NDRG3: variants seen among roughly 807,000 people sequenced by gnomAD.
The protein encoded by NDRG3 is NDRG family member 3, also known as protein NDRG3.
In NDRG3, 23 loss-of-function variants were observed where a neutral mutation model predicts 57.2. The ratio of observed to expected loss-of-function variants is 0.40; its 90% confidence interval spans 0.29 to 0.57. The LOEUF (loss-of-function observed/expected upper bound fraction) is 0.57, where lower values mean the gene tolerates loss of function less well. NDRG3 is among the 20% of genes least tolerant of loss of function. The probability of loss-of-function intolerance (pLI) is 0.42; values close to 1 mark genes in which losing one functional copy is unlikely to be tolerated. For missense variants in NDRG3, 384 were observed against 457.3 expected, an observed-to-expected ratio of 0.84 and a Z score of 1.46; for synonymous variants, 132 against 162.6, an observed-to-expected ratio of 0.81 and a Z score of 1.43.
At chr20:36,742,298 C>A (rs1397741533) in intron 1 of NDRG3, among the ~76,000 whole-genome samples, 1 of 152,144 alleles carries the variant, frequency 6.6e-6, no homozygotes, top group Non-Finnish European at 1.5e-5. Flanking sequence ...TAAATAGAAT[C>A]ATAATAGAGT....
Position 36,656,409 on chromosome 20 carries a change from A to G in NDRG3, c.897T>C (p.Pro299=). Residue 299 remains proline (P), a splice_region_variant and synonymous_variant, in exon 15 of 16, where the codon CCT becomes CCC. Transcript: ENST00000349004. ...ACTTGAAGGCCTCGGTGAGCTTCCC[A>G]GGCTGGGGGGATAAAACAAGAGGGC... ...DCGGLPQVVQ[P]GKLTEAFKYF... 6.2e-7 allele frequency: 1 copy of G among 1,614,182 alleles called. No homozygotes were observed. Among genetic ancestry groups the G allele is most frequent in the South Asian group, 1.1e-5 (1 of 91,088 alleles).
chr20:36,716,683 T>C (rs1600947370), intron 2 of NDRG3, among the ~76,000 whole-genome samples: 1 of 152,242 alleles, frequency 6.6e-6, no homozygotes, highest in African/African-American at 2.4e-5. Flanking sequence ...TCTACTTGTT[T>C]TCTCAAGCCT....
intron 8 of NDRG3, among the ~76,000 whole-genome samples, chr20:36,678,371 T>C (rs556817497): frequency 6.6e-6 from 1 of 152,234 alleles, no homozygotes; most frequent in East Asian, 1.9e-4. Context: ...TCACTGCCCC[T>C]TAGGGAGATG....
chr20:36,672,179 T>C (rs1201640579), intron 8 of NDRG3, among the ~76,000 whole-genome samples: 1 of 152,218 alleles, frequency 6.6e-6, no homozygotes, highest in African/African-American at 2.4e-5. Context: ...GTTTACAGAA[T>C]GTTCTTGAGT....
intron 9 of NDRG3, among the ~76,000 whole-genome samples, chr20:36,668,938 A>G (rs1979880970): frequency 6.6e-6 from 1 of 151,838 alleles, no homozygotes; most frequent in African/African-American, 2.4e-5. Context: ...ATGAAGTAGT[A>G]TTTCTTTTTG....
chr20:36,693,681 T>C (rs1982533813), intron 3 of NDRG3, among the ~76,000 whole-genome samples: 1 of 151,678 alleles, frequency 6.6e-6, no homozygotes, highest in Non-Finnish European at 1.5e-5. Flanking sequence ...ATGAACCCTA[T>C]TGTGAACTAA....
intron 8 of NDRG3, among the ~76,000 whole-genome samples, chr20:36,678,161 G>A (rs1980921624): frequency 1.3e-5 from 2 of 152,282 alleles, no homozygotes; most frequent in South Asian, 4.1e-4. Flanking sequence ...AAGTGCTGGG[G>A]TTCACTGTGG....
At chr20:36,656,876 C>A (rs529679035) in intron 13 of NDRG3, among the ~76,000 whole-genome samples, 1 of 152,320 alleles carries the variant, frequency 6.6e-6, no homozygotes, top group East Asian at 1.9e-4. Flanking sequence ...CCTAACTTCT[C>A]TGTGCATCAA....
At chr20:36,733,787 C>T (rs1277772175) in intron 1 of NDRG3, among the ~76,000 whole-genome samples, 1 of 152,082 alleles carries the variant, frequency 6.6e-6, no homozygotes, top group Admixed American at 6.6e-5. Flanking sequence ...AAAGGGTCAG[C>T]TGGAGCTGGT....
At chr20:36,659,816 G>T (rs1047533695) in intron 13 of NDRG3, among the ~76,000 whole-genome samples, 1 of 151,486 alleles carries the variant, frequency 6.6e-6, no homozygotes, top group African/African-American at 2.4e-5. Flanking sequence ...GGCTAGGCTG[G>T]TCTCAAATTC....
intron 1 of NDRG3, among the ~76,000 whole-genome samples, chr20:36,740,332 T>C (rs150876846): frequency 2.0e-5 from 3 of 152,340 alleles, no homozygotes; most frequent in Non-Finnish European, 4.4e-5. Context: ...TGCACCCCAG[T>C]TGGCCATCAA....
At chr20:36,658,555 A>T (rs1978880907) in intron 13 of NDRG3, among the ~76,000 whole-genome samples, 1 of 152,214 alleles carries the variant, frequency 6.6e-6, no homozygotes, top group African/African-American at 2.4e-5. Flanking sequence ...TTTCAAACAC[A>T]CTTCAAAGGG....
chr20:36,659,355 T>C (rs1266437185), intron 13 of NDRG3, among the ~76,000 whole-genome samples: 1 of 152,134 alleles, frequency 6.6e-6, no homozygotes, highest in Non-Finnish European at 1.5e-5. Context: ...CTCAAACTCC[T>C]GGACTCAAGT....
intron 2 of NDRG3, among the ~76,000 whole-genome samples, chr20:36,710,731 G>A (rs370973112): frequency 6.1e-4 from 92 of 151,658 alleles, no homozygotes; most frequent in African/African-American, 1.9e-3. Context: ...TGCTTGAACC[G>A]GGACCCGGGT....
chr20:36,654,653 C>A lies in NDRG3; in HGVS notation c.947-952G>T, dbSNP rs1002328051. 3.8e-5 allele frequency: 24 copies of A among 639,936 alleles called. No individual in the cohort carries two copies. The East Asian group carries it at 5.8e-4, about 16-fold the overall frequency. The allele number at this position is 639,936 out of a possible 1,614,324, so 39.6% of individuals were successfully genotyped here. A position where few individuals can be genotyped will look rare whatever the true frequency, so the allele number is the denominator to read the frequency against. On this transcript the variant is annotated intron_variant, in intron 15 of 15. Transcript: ENST00000349004. ...CTTTCCTCCTCCTGGGGGACCAGGGCTGGACCTGTAGGCTAAATCTCTTGG... is the reference window on the plus strand; with the variant it reads ...CTTTCCTCCTCCTGGGGGACCAGGGATGGACCTGTAGGCTAAATCTCTTGG...
chr20:36,711,794 T>C (rs1382750389), intron 2 of NDRG3, among the ~76,000 whole-genome samples: 1 of 152,250 alleles, frequency 6.6e-6, no homozygotes, highest in African/African-American at 2.4e-5. Context: ...TGGCTGTTTT[T>C]TTGAGACGGA....
chr20:36,724,493 C>T (rs1286795585), intron 1 of NDRG3, among the ~76,000 whole-genome samples: 2 of 152,176 alleles, frequency 1.3e-5, no homozygotes, highest in Non-Finnish European at 1.5e-5. Flanking sequence ...TCTACATTCT[C>T]TTTTTCACAG....
intron 1 of NDRG3, among the ~76,000 whole-genome samples, chr20:36,730,381 A>G (rs1200973782): frequency 2.6e-5 from 4 of 151,972 alleles, no homozygotes; most frequent in Non-Finnish European, 4.4e-5. Flanking sequence ...CAGCCTCCCA[A>G]AGAGCTAAGG....
chr20:36,659,663 C>T (rs1253139819), intron 13 of NDRG3, among the ~76,000 whole-genome samples: 1 of 151,972 alleles, frequency 6.6e-6, no homozygotes, highest in Non-Finnish European at 1.5e-5. Flanking sequence ...TGCAGTGGTG[C>T]AATCTCAGCT....
Sources: allele counts gnomAD v4.1 joint callset (sites outside exome capture counted in the v4.1 genomes callset), GRCh38; gene constraint gnomAD v4.1.1; transcripts MANE v1.5; gene names NCBI Gene and HGNC (gene_info 2026-07-23, HGNC 2026-07-21).